PLIN5: variants seen among roughly 807,000 people sequenced by gnomAD.
The protein encoded by PLIN5 is perilipin-5.
Under a neutral mutation model 32.8 loss-of-function variants are expected in PLIN5, and 34 were observed. The observed-to-expected ratio is 1.04, with a 90% CI of 0.79 to 1.38. The LOEUF (loss-of-function observed/expected upper bound fraction) is 1.38. PLIN5 is among the 40% of genes most tolerant of loss of function. The probability of loss-of-function intolerance (pLI) is 0.00; values close to 1 mark genes in which losing one functional copy is unlikely to be tolerated. For missense variants in PLIN5, 712 were observed against 660.5 expected, an observed-to-expected ratio of 1.08 and a Z score of -0.85; for synonymous variants, 309 against 292.9, an observed-to-expected ratio of 1.05 and a Z score of -0.56.
chr19:4,523,854 C>A lies in PLIN5; in HGVS notation c.1066G>T (p.Ala356Ser), dbSNP rs575416554. ...AGCTCCAGCAGCTCGTCCACGCAGG[C>A]GTGCGCGTGGGCCACGCGACCCCGG... ...EGRGRVAHAH[A>S]CVDELLELVV... Residue 356 changes from alanine to serine, a missense_variant, in exon 8 of 8, where the codon GCC (alanine) becomes TCC (serine). Ala to Ser is a moderately conservative substitution (Grantham distance 99). Transcript: ENST00000381848. This position sits in a 1 kb window ranked among gnomAD's most constrained non-coding sequence, Gnocchi z 5.0. 1.3e-6 allele frequency: 2 copies of A among 1,562,108 alleles called. No homozygotes were observed. Among genetic ancestry groups the A allele is most frequent in the South Asian group, 1.2e-5 (1 of 85,854 alleles).
intron 1 of PLIN5, 135 bp from the exon 2 acceptor site, chr19:4,534,230 A>C (rs1372777624): frequency 1.4e-6 from 1 of 703,940 alleles, no homozygotes; most frequent in African/African-American, 1.8e-5. Flanking sequence ...CATTCTGTGG[A>C]GCTCAGACAA....
chr19:4,527,362 G>A (rs1671540118), intron 5 of PLIN5, among the ~76,000 whole-genome samples: 1 of 150,414 alleles, frequency 6.6e-6, no homozygotes. Context: ...GTAAGCCACC[G>A]CGCCCGGCCT....
At chr19:4,530,705 C>G (rs1426244947) in intron 3 of PLIN5, among the ~76,000 whole-genome samples, 1 of 152,158 alleles carries the variant, frequency 6.6e-6, no homozygotes, top group Non-Finnish European at 1.5e-5. Context: ...CAGAGTCTAG[C>G]TCTGTCACCC....
intron 7 of PLIN5, among the ~76,000 whole-genome samples, chr19:4,524,416 G>A (rs1976773805): frequency 6.6e-6 from 1 of 152,220 alleles, no homozygotes; most frequent in Admixed American, 6.5e-5. Flanking sequence ...GCTGGGCGTG[G>A]TGGTGGACAC....
chr19:4,524,721 A>T (rs1976777377), intron 7 of PLIN5, among the ~76,000 whole-genome samples: 1 of 152,002 alleles, frequency 6.6e-6, no homozygotes, highest in African/African-American at 2.4e-5. Flanking sequence ...TCAAAAATAA[A>T]TAAATAATAA....
rs1486400007 is a variant in PLIN5, at chr19:4,523,699, C to T, written c.1221G>A (p.Trp407Ter). The change falls in exon 8 of 8, where the codon TGG (tryptophan) becomes TGA (stop). Residue 407 changes from tryptophan (W) to a stop codon, truncating the protein, a stop_gained. Transcript: ENST00000381848. LOFTEE classifies it low-confidence loss of function (END_TRUNC). The surrounding 1 kb of genome is among the most constrained non-coding windows in gnomAD (Gnocchi z 5.0). ...DEVIGGPDPR[W>*]AHLDWPAQQR... is the part of the protein sequence containing the mutation. The stretch of plus-strand genomic sequence containing the variant: ...GCTGGGCCGGCCAGTCCAGGTGCGC[C>T]CAGCGGGGGTCAGGGCCCCCGATGA... 5.6e-6 allele frequency: 9 copies of T among 1,605,350 alleles called. No individual in the cohort carries two copies. The highest frequency in any genetic ancestry group is 1.6e-4 in the Middle Eastern group (1 of 6,062).
intron 5 of PLIN5, among the ~76,000 whole-genome samples, chr19:4,526,380 C>A (rs1197633676): frequency 6.6e-6 from 1 of 152,128 alleles, no homozygotes; most frequent in Middle Eastern, 3.2e-3. Flanking sequence ...CACCACCACA[C>A]CCGATTAAGT....
In PLIN5 at chr19:4,534,027, C is replaced by T. The variant is rs1367137600; in HGVS notation, c.48G>A (p.Glu16=). The part of the protein sequence containing the change: ...AAQIPRSSVW[E]QDQQNVVQRV... ...GGGCAGCCCTCACCTGCTGGTCCTG[C>T]TCCCACACACTGGATCTGGGGATCT... Residue 16 remains glutamate, a synonymous_variant, in exon 2 of 8, where the codon GAG becomes GAA. Coordinates refer to ENST00000381848, the MANE Select transcript of PLIN5 (RefSeq NM_001013706.3). 1.2e-6 allele frequency: 2 copies of T among 1,613,142 alleles called. No homozygotes were observed. The highest frequency in any genetic ancestry group is 3.3e-5 in the Admixed American group (2 of 59,916).
rs529851471 is a variant in PLIN5 at position 4,534,686 on chromosome 19, G to A, written c.-22+479C>T. 1.1e-3 allele frequency among the ~76,000 whole-genome samples: 160 copies of A among 152,150 alleles called. 1 individual carries two copies. Among genetic ancestry groups the A allele is most frequent in the African/African-American group, 3.8e-3 (159 of 41,502 alleles). On this transcript the variant is annotated intron_variant, in intron 1 of 7. Transcript: ENST00000381848. ...GCACCTGGCCAGCTGTGTGATTTTTGGCAAGCACCTTCACCTCTCTGGGCT... is the reference window on the plus strand; with the variant it reads ...GCACCTGGCCAGCTGTGTGATTTTTAGCAAGCACCTTCACCTCTCTGGGCT...
chr19:4,530,254 G>A (rs1422245426), intron 3 of PLIN5, among the ~76,000 whole-genome samples: 1 of 152,108 alleles, frequency 6.6e-6, no homozygotes, highest in African/African-American at 2.4e-5. Context: ...CTGCCATCCT[G>A]CCTGGGCCCT....
At chr19:4,531,939 C>G (rs901832683) in intron 2 of PLIN5, 117 bp from the exon 3 acceptor site, 4 of 1,054,786 alleles carry the variant, frequency 3.8e-6, no homozygotes, top group Admixed American at 6.6e-5. Context: ...GGATGGAGTA[C>G]TGAGCACCCC....
chr19:4,529,708 A>C, intron 4 of PLIN5, 76 bp downstream of exon 4: 1 of 1,165,032 alleles, frequency 8.6e-7, no homozygotes, highest in Non-Finnish European at 1.3e-6. Flanking sequence ...CCTGGTTGTC[A>C]CCATCCCTCC....
chr19:4,525,651 C>T lies in PLIN5; in HGVS notation c.702G>A (p.Leu234=). ...KHRAQDTLAQ[L]QETLELIDHM... is the part of the protein sequence containing the mutation. ...CTCTCACCAGCTCCAGCGTCTCCTG[C>T]AGCTGGGCCAGGGTGTCCTGGGCAC... The change falls in exon 6 of 8, where the codon CTG becomes CTA. Residue 234 remains leucine (L), a synonymous_variant. Transcript: ENST00000381848. This position sits in a 1 kb window ranked among gnomAD's most constrained non-coding sequence, Gnocchi z 5.6. The T allele has an allele frequency of 5.6e-6, 9 of 1,613,452 alleles. No individual in the cohort carries two copies. The highest frequency in any genetic ancestry group is 6.8e-6 in the Non-Finnish European group (8 of 1,180,016).
chr19:4,530,652 G>T (rs899033776), intron 3 of PLIN5, among the ~76,000 whole-genome samples: 4 of 152,140 alleles, frequency 2.6e-5, no homozygotes, highest in African/African-American at 9.7e-5. Context: ...AAACAGGTAA[G>T]GGCAGAGGGC....
rs1976795492 is a variant in PLIN5, at chr19:4,525,880, G to GGA, written c.521-49_521-48insTC. ...AGCACGGGGACAGGATACGGGGACA[G>GGA]CACGGGGACAGGATACGGGGACAGC... On this transcript the variant is annotated intron_variant, in intron 5 of 7. Coordinates refer to ENST00000381848, the MANE Select transcript of PLIN5 (RefSeq NM_001013706.3). This position sits in a 1 kb window ranked among gnomAD's most constrained non-coding sequence, Gnocchi z 5.6. 2.1e-6 allele frequency: 2 copies of GGA among 951,440 alleles called. No homozygotes were observed. The highest frequency in any genetic ancestry group is 2.6e-5 in the East Asian group (1 of 37,768). 58.9% of individuals were successfully genotyped at this position (951,440 alleles called of 1,614,324 possible).
chr19:4,525,545 G>A lies in PLIN5; in HGVS notation c.720+88C>T. 3.3e-6 allele frequency: 5 copies of A among 1,506,650 alleles called. No individual in the cohort carries two copies. In the East Asian group the frequency reaches 6.9e-5, roughly 21 times the overall value. 93.3% of individuals were successfully genotyped at this position (1,506,650 alleles called of 1,614,324 possible). On this transcript the variant is annotated intron_variant, in intron 6 of 7. Transcript: ENST00000381848. The surrounding 1 kb of genome is among the most constrained non-coding windows in gnomAD (Gnocchi z 5.6). The stretch of plus-strand genomic sequence containing the variant: ...GCACCCAGCTCCGCCTCCTGCTTTA[G>A]GCTAGCACGGGATCCGGTATTCAGC...
Position 4,529,066 on chromosome 19 carries a change from T to C in PLIN5, c.520+7A>G. 1 of 1,611,702 alleles carries C rather than the reference T, an allele frequency of 6.2e-7. No homozygotes were observed. Among genetic ancestry groups the C allele is most frequent in the Non-Finnish European group, 8.5e-7 (1 of 1,179,206 alleles). On this transcript the variant is annotated splice_region_variant and intron_variant, in intron 5 of 7. Transcript: ENST00000381848. ...TCAGGGGTTAGGGTTGAGGGTGTCG[T>C]CCTCACCGAGCTCTTCCTCCGTCAT...
chr19:4,529,011 G>T, intron 5 of PLIN5, 62 bp downstream of exon 5: 1 of 1,549,002 alleles, frequency 6.5e-7, no homozygotes, highest in Non-Finnish European at 8.8e-7. Context: ...TCTCTGATCT[G>T]TACCACAGGG....
intron 5 of PLIN5, among the ~76,000 whole-genome samples, chr19:4,527,741 A>G (rs1976824662): frequency 6.6e-6 from 1 of 151,086 alleles, no homozygotes; most frequent in African/African-American, 2.4e-5. Context: ...GCTACTTGGG[A>G]GGCTGAGGCC....
Sources: allele counts gnomAD v4.1 joint callset (sites outside exome capture counted in the v4.1 genomes callset), GRCh38; gene constraint gnomAD v4.1.1; non-coding constraint Gnocchi (gnomAD v3.1); transcripts MANE v1.5; gene names NCBI Gene and HGNC (gene_info 2026-07-23, HGNC 2026-07-21).